Variants in SDK1 observed in about 807,000 individuals in gnomAD.
The protein encoded by SDK1 is sidekick cell adhesion molecule 1, also known as protein sidekick-1.
Under a neutral mutation model 245.5 loss-of-function variants are expected in SDK1, and 157 were observed. That is an observed-to-expected ratio of 0.64 (90% confidence interval 0.56 to 0.73). SDK1 has a LOEUF of 0.73. Ranked by LOEUF, SDK1 falls within the 30% of genes least tolerant of loss-of-function variation. SDK1 has a pLI of 0.00. For synonymous variants in SDK1, 1,647 were observed against 1,278.5 expected, an observed-to-expected ratio of 1.29 and a Z score of -6.15; for missense variants, 3,583 against 3,002.3, an observed-to-expected ratio of 1.19 and a Z score of -4.52.
chr7:3,342,150 T>C (rs1780365221), intron 1 of SDK1, among the ~76,000 whole-genome samples: 1 of 152,224 alleles, frequency 6.6e-6, no homozygotes, highest in South Asian at 2.1e-4. Context: ...TGATAGATTA[T>C]TCTTCTCAAC....
chr7:3,910,181 T>G (rs920011466), intron 5 of SDK1, among the ~76,000 whole-genome samples: 1 of 152,168 alleles, frequency 6.6e-6, no homozygotes, highest in Non-Finnish European at 1.5e-5. Flanking sequence ...GTGCAGCGCT[T>G]GGTGCCTCTG....
At chr7:3,835,544 A>G (rs939216541) in intron 5 of SDK1, among the ~76,000 whole-genome samples, 1 of 152,086 alleles carries the variant, frequency 6.6e-6, no homozygotes. Flanking sequence ...TAAGTTCCCT[A>G]GGAAGTCCTC....
At chr7:4,051,886 C>CTT in intron 19 of SDK1, 56 bp downstream of exon 19, 5 of 1,483,542 alleles carry the variant, frequency 3.4e-6, no homozygotes, top group Non-Finnish European at 4.6e-6. Context: ...GTGTATACCG[C>CTT]TGCAACTTCC....
chr7:4,049,517 G>T, intron 18 of SDK1, 54 bp downstream of exon 18: 1 of 1,363,804 alleles, frequency 7.3e-7, no homozygotes, highest in Non-Finnish European at 1.0e-6. Flanking sequence ...TGGAGCCACA[G>T]CGCGACGCAG....
chr7:3,927,328 C>T (rs1037451833), intron 5 of SDK1, among the ~76,000 whole-genome samples: 10 of 152,122 alleles, frequency 6.6e-5, no homozygotes, highest in Admixed American at 2.6e-4. Context: ...TAGTTTCCCT[C>T]CTATTTTTCA....
intron 5 of SDK1, among the ~76,000 whole-genome samples, chr7:3,865,951 A>G (rs532805604): frequency 2.6e-5 from 4 of 152,344 alleles, no homozygotes; most frequent in African/African-American, 9.6e-5. Flanking sequence ...GTGTATTTGA[A>G]AAGCAGAGAG....
intron 19 of SDK1, among the ~76,000 whole-genome samples, chr7:4,063,317 G>A (rs1779658323): frequency 6.6e-6 from 1 of 152,080 alleles, no homozygotes; most frequent in East Asian, 1.9e-4. Context: ...TGAACTAGCT[G>A]AGAAATAAAT....
chr7:3,538,927 G>C (rs949263033), intron 1 of SDK1, among the ~76,000 whole-genome samples: 1 of 152,220 alleles, frequency 6.6e-6, no homozygotes, highest in African/African-American at 2.4e-5. Flanking sequence ...GAATCTTCTT[G>C]AAAGTTTTTT....
chr7:4,047,738 A>G (rs1789125006), intron 17 of SDK1, among the ~76,000 whole-genome samples: 1 of 152,178 alleles, frequency 6.6e-6, no homozygotes, highest in African/African-American at 2.4e-5. Context: ...GACTCCTTGG[A>G]CAGGCCCATC....
chr7:4,022,901 G>T (rs1374724795), intron 17 of SDK1, among the ~76,000 whole-genome samples: 2 of 151,328 alleles, frequency 1.3e-5, no homozygotes, highest in Non-Finnish European at 2.9e-5. Context: ...AGCCTCCCAA[G>T]TAGCTGGGAC....
At chr7:3,477,054 G>A (rs1288703407) in intron 1 of SDK1, among the ~76,000 whole-genome samples, 1 of 152,150 alleles carries the variant, frequency 6.6e-6, no homozygotes, top group Non-Finnish European at 1.5e-5. Context: ...CTGATCAAAT[G>A]AGTCTGATTG....
chr7:4,160,162 T>C (rs889907842), intron 31 of SDK1, among the ~76,000 whole-genome samples: 1 of 152,254 alleles, frequency 6.6e-6, no homozygotes, highest in Admixed American at 6.5e-5. Context: ...AGGAACTAAA[T>C]TACAAAACAA....
chr7:4,068,022 C>A, intron 20 of SDK1, 86 bp downstream of exon 20: 1 of 909,234 alleles, frequency 1.1e-6, no homozygotes, highest in Non-Finnish European at 1.7e-6. Flanking sequence ...AAACTGCTGA[C>A]AGCATGGACC....
chr7:3,774,966 G>A (rs751147130), intron 4 of SDK1, among the ~76,000 whole-genome samples: 41 of 152,236 alleles, frequency 2.7e-4, no homozygotes, highest in African/African-American at 8.4e-4. Context: ...TGCGTCTGCC[G>A]GGGACCTGTG....
At chr7:3,855,988 A>T (rs1321233697) in intron 5 of SDK1, among the ~76,000 whole-genome samples, 1 of 152,206 alleles carries the variant, frequency 6.6e-6, no homozygotes, top group Non-Finnish European at 1.5e-5. Flanking sequence ...AATAATAAAG[A>T]ATTTACTGAA....
At chr7:3,474,809 A>G (rs1195729065) in intron 1 of SDK1, among the ~76,000 whole-genome samples, 1 of 151,808 alleles carries the variant, frequency 6.6e-6, no homozygotes, top group Admixed American at 6.6e-5. Flanking sequence ...TCCTACCACA[A>G]CCTCTTCAAT....
At chr7:4,105,659 G>A (rs1010955799) in intron 22 of SDK1, among the ~76,000 whole-genome samples, 2 of 152,224 alleles carry the variant, frequency 1.3e-5, no homozygotes, top group African/African-American at 4.8e-5. Flanking sequence ...TGTGCTGGGG[G>A]TACTCTGAAG....
intron 40 of SDK1, among the ~76,000 whole-genome samples, chr7:4,222,072 ATG>A (rs1318847732): frequency 6.6e-6 from 1 of 152,180 alleles, no homozygotes; most frequent in Admixed American, 6.5e-5. Flanking sequence ...AAAATATGTG[ATG>A]TGTCAGGGAC....
At position 3,626,686 on chromosome 7, in the gene SDK1, G is replaced by C. The variant is rs188934608; in HGVS notation, c.458+7447G>C. 2.0e-3 allele frequency among the ~76,000 whole-genome samples: 312 copies of C among 152,290 alleles called. 4 individuals carry two copies. The highest frequency in any genetic ancestry group is 7.4e-3 in the African/African-American group (307 of 41,566). Reference sequence around the variant, plus strand: ...GGCACCAGCCCTAGTGTCTTAGAGTGATTAGAGTCATTTACCTCCATCAGT... The same window carrying C: ...GGCACCAGCCCTAGTGTCTTAGAGTCATTAGAGTCATTTACCTCCATCAGT... On this transcript the variant is annotated intron_variant, in intron 2 of 44. Transcript: ENST00000404826.
Sources: allele counts gnomAD v4.1 joint callset (sites outside exome capture counted in the v4.1 genomes callset), GRCh38; gene constraint gnomAD v4.1.1; transcripts MANE v1.5; gene names NCBI Gene and HGNC (gene_info 2026-07-23, HGNC 2026-07-21).